The following SMARCC1 variants were observed in gnomAD, a reference collection of about 807,000 sequenced individuals.
SMARCC1 encodes SWI/SNF related BAF chromatin remodeling complex subunit C1.
In SMARCC1, 43 loss-of-function variants were observed where a neutral mutation model predicts 147.4. That is an observed-to-expected ratio of 0.29 (90% CI 0.23 to 0.38). The LOEUF (loss-of-function observed/expected upper bound fraction) is 0.38, where lower values mean the gene tolerates loss of function less well. SMARCC1 is among the 10% of genes least tolerant of loss of function. The probability of loss-of-function intolerance (pLI) is 1.00; values close to 1 mark genes in which losing one functional copy is unlikely to be tolerated. For missense variants in SMARCC1, 1,119 were observed against 1,381.1 expected (o/e 0.81, Z 3.01); for synonymous variants, 495 against 484.4 (o/e 1.02, Z -0.29).
chr3:47,639,907 A>G (rs987416476), intron 21 of SMARCC1, among the ~76,000 whole-genome samples: 1 of 152,230 alleles, frequency 6.6e-6, no homozygotes, highest in Non-Finnish European at 1.5e-5. Flanking sequence ...ACATCCATCA[A>G]TTAGGTGATA....
intron 19 of SMARCC1, among the ~76,000 whole-genome samples, chr3:47,665,296 A>G (rs1016366290): frequency 6.6e-6 from 1 of 152,208 alleles, no homozygotes; most frequent in African/African-American, 2.4e-5. Flanking sequence ...CAGTAACCTC[A>G]GGTAGTTCGA....
In SMARCC1 at chr3:47,586,299, A is replaced by G. The variant is rs2032070432; in HGVS notation, c.*1910T>C. On this transcript the variant is annotated 3_prime_UTR_variant, in exon 28 of 28. Coordinates refer to ENST00000254480, the MANE Select transcript of SMARCC1 (RefSeq NM_003074.4). ...TCCTTCTCGGACTCCAGGGGAAAAA[A>G]GAAGTATTTGGAATGAGTTTCCTTT... 1 of 152,236 alleles carries G rather than the reference A, an allele frequency of 6.6e-6. No homozygotes were observed. The highest frequency in any genetic ancestry group is 2.4e-5 in the African/African-American group (1 of 41,458). The allele number at this position is 152,236 out of a possible 1,614,324, so 9.4% of individuals were successfully genotyped here. A position where few individuals can be genotyped will look rare whatever the true frequency, so the allele number is the denominator to read the frequency against.
At chr3:47,685,224 G>A (rs2033704891) in intron 14 of SMARCC1, among the ~76,000 whole-genome samples, 1 of 151,902 alleles carries the variant, frequency 6.6e-6, no homozygotes, top group Admixed American at 6.6e-5. Flanking sequence ...CTAACAGGTG[G>A]GTAGCATGTA....
chr3:47,673,833 C>T (rs959690555), intron 18 of SMARCC1, among the ~76,000 whole-genome samples: 33 of 152,150 alleles, frequency 2.2e-4, no homozygotes, highest in Non-Finnish European at 7.4e-5. Flanking sequence ...TCCTTTAAAA[C>T]TCAATTGATA....
At chr3:47,721,344 G>A in intron 6 of SMARCC1, among the ~76,000 whole-genome samples, 1 of 152,050 alleles carries the variant, frequency 6.6e-6, no homozygotes, top group East Asian at 1.9e-4. Flanking sequence ...ACATATTGTA[G>A]ACTTTTTTTC....
intron 21 of SMARCC1, among the ~76,000 whole-genome samples, chr3:47,649,577 T>C (rs1184003883): frequency 6.6e-6 from 1 of 152,170 alleles, no homozygotes; most frequent in African/African-American, 2.4e-5. Flanking sequence ...AATCTACTCA[T>C]TGATATATTT....
chr3:47,780,180 T>TTG (rs2035028392), intron 1 of SMARCC1, among the ~76,000 whole-genome samples: 1 of 141,578 alleles, frequency 7.1e-6, no homozygotes, highest in South Asian at 2.3e-4. Flanking sequence ...TTTTTTTTTT[T>TTG]TTTTTTTTTT....
intron 10 of SMARCC1, among the ~76,000 whole-genome samples, chr3:47,705,412 T>C (rs950529907): frequency 1.3e-5 from 2 of 152,056 alleles, no homozygotes; most frequent in Admixed American, 6.5e-5. Flanking sequence ...TCAATTTTCA[T>C]GTCATAATAT....
chr3:47,674,284 T>C lies in SMARCC1; in HGVS notation c.1839+1191A>G, dbSNP rs1376259722. Among the ~76,000 whole-genome samples, 4 of 152,256 alleles carry C rather than the reference T, an allele frequency of 2.6e-5. No homozygotes were observed. The East Asian group carries it at 5.8e-4, about 22-fold the overall frequency. On this transcript the variant is annotated intron_variant, in intron 18 of 27. Coordinates refer to ENST00000254480, the MANE Select transcript of SMARCC1 (RefSeq NM_003074.4). ...AGTCATGTGCTTTCATCTGGGATCA[T>C]TATCCTTCATGCTGAAGACATTCCT...
chr3:47,598,086 G>A (rs1349835291), intron 26 of SMARCC1, among the ~76,000 whole-genome samples: 1 of 152,274 alleles, frequency 6.6e-6, no homozygotes, highest in East Asian at 1.9e-4. Flanking sequence ...AGGTGGTACT[G>A]TCCCAGCTCC....
chr3:47,636,390 C>T (rs1178050801), intron 22 of SMARCC1, among the ~76,000 whole-genome samples: 1 of 152,182 alleles, frequency 6.6e-6, no homozygotes, highest in Non-Finnish European at 1.5e-5. Context: ...GCATACTCTG[C>T]TATAAAGCAA....
intron 19 of SMARCC1, chr3:47,663,869 C>T (rs2033384626): frequency 1.3e-6 from 2 of 1,530,256 alleles, no homozygotes; most frequent in Admixed American, 1.7e-5. Context: ...GATCGCCGCC[C>T]AGGGTTTCAC....
intron 21 of SMARCC1, among the ~76,000 whole-genome samples, chr3:47,661,028 G>T (rs904630170): frequency 6.6e-6 from 1 of 151,600 alleles, no homozygotes; most frequent in Admixed American, 6.6e-5. Context: ...CAGTATTCTT[G>T]TATCTGTCTA....
At chr3:47,690,471 C>A (rs1347298969) in intron 12 of SMARCC1, among the ~76,000 whole-genome samples, 1 of 152,012 alleles carries the variant, frequency 6.6e-6, no homozygotes, top group African/African-American at 2.4e-5. Flanking sequence ...AAGTAAGAAA[C>A]CAAATCAAAG....
intron 1 of SMARCC1, among the ~76,000 whole-genome samples, chr3:47,780,881 A>C (rs749268149): frequency 6.6e-6 from 1 of 152,242 alleles, no homozygotes; most frequent in Non-Finnish European, 1.5e-5. Context: ...AAACTTTGAA[A>C]ACTACTGACT....
At chr3:47,638,696 T>C in intron 22 of SMARCC1, 29 bp downstream of exon 22, 2 of 1,572,232 alleles carry the variant, frequency 1.3e-6, no homozygotes, top group Non-Finnish European at 1.8e-6. Flanking sequence ...AGGCATGCTA[T>C]CTGTGGTTTT....
chr3:47,753,120 C>T (rs1459595937), intron 2 of SMARCC1, among the ~76,000 whole-genome samples: 1 of 151,930 alleles, frequency 6.6e-6, no homozygotes, highest in African/African-American at 2.4e-5. Flanking sequence ...CCAAGGGGGG[C>T]GGATCACGAG....
chr3:47,743,812 C>CA (rs35760519), intron 3 of SMARCC1, among the ~76,000 whole-genome samples: 1,579 of 75,916 alleles, frequency 0.021, 8 homozygotes, highest in Middle Eastern at 0.069. Flanking sequence ...GACTATGTCT[C>CA]AAAAAAAAAA....
intron 26 of SMARCC1, among the ~76,000 whole-genome samples, chr3:47,600,004 T>C (rs897911387): frequency 1.3e-5 from 2 of 152,174 alleles, no homozygotes; most frequent in East Asian, 1.9e-4. Context: ...TACATCTTTA[T>C]GAATACAAGC....
Sources: gnomAD v4.1 joint callset for allele counts (sites outside exome capture counted in the v4.1 genomes callset) on GRCh38, gnomAD v4.1.1 for gene constraint, MANE v1.5 for transcripts, NCBI Gene and HGNC (gene_info 2026-07-23, HGNC 2026-07-21) for gene names.